DMD: variants seen among roughly 807,000 people sequenced by gnomAD.
DMD encodes the protein dystrophin.
In DMD, 63 loss-of-function variants were observed where a neutral mutation model predicts 330.1. The ratio of observed to expected loss-of-function variants is 0.19; its 90% CI spans 0.16 to 0.24. The LOEUF (loss-of-function observed/expected upper bound fraction) is 0.24, where lower values mean the gene tolerates loss of function less well. DMD is among the 10% of genes least tolerant of loss of function. DMD has a pLI of 1.00. For missense variants in DMD, 3,344 were observed against 2,684.1 expected (o/e 1.25, Z -5.43); for synonymous variants, 1,223 against 959.8 (o/e 1.27, Z -5.07).
intron 1 of DMD, among the ~76,000 whole-genome samples, chrX:33,131,202 T>C (rs1334769046): frequency 9.0e-6 from 1 of 111,104 alleles, no homozygotes; most frequent in African/African-American, 3.3e-5. Flanking sequence ...CGGCTGCTGC[T>C]GCTGCTGGTG....
chrX:32,472,101 T>G (rs1007538957), intron 22 of DMD, 63 bp downstream of exon 22: 1 of 1,145,909 alleles, frequency 8.7e-7, no homozygotes, highest in Non-Finnish European at 1.2e-6. Flanking sequence ...TATTTAAAGG[T>G]TATATCAATG....
intron 44 of DMD, among the ~76,000 whole-genome samples, chrX:32,192,638 C>T (rs1258809705): frequency 8.9e-6 from 1 of 111,853 alleles, no homozygotes; most frequent in Non-Finnish European, 1.9e-5. Context: ...TTACTTTTGT[C>T]GCCCAGTGGC....
intron 41 of DMD, among the ~76,000 whole-genome samples, chrX:32,340,633 T>C (rs2097736902): frequency 9.0e-6 from 1 of 111,727 alleles, no homozygotes; most frequent in South Asian, 3.7e-4. Context: ...AGAAATGAGT[T>C]AGTAGTCAGA....
At chrX:31,129,159 G>A (rs1452362086) in intron 77 of DMD, among the ~76,000 whole-genome samples, 1 of 111,033 alleles carries the variant, frequency 9.0e-6, no homozygotes, top group Non-Finnish European at 1.9e-5. Flanking sequence ...CTATAAAATT[G>A]ACATTATTGA....
chrX:32,669,817 C>A (rs1447993585), intron 9 of DMD, among the ~76,000 whole-genome samples: 1 of 111,029 alleles, frequency 9.0e-6, no homozygotes, highest in Non-Finnish European at 1.9e-5. Context: ...TGCCAATGCC[C>A]TTCTCTTGCC....
intron 42 of DMD, among the ~76,000 whole-genome samples, chrX:32,296,288 G>T (rs995710069): frequency 9.0e-6 from 1 of 111,114 alleles, no homozygotes; most frequent in African/African-American, 3.3e-5. Flanking sequence ...CTACTTGGGA[G>T]GCTAAGGTAG....
intron 44 of DMD, among the ~76,000 whole-genome samples, chrX:32,028,763 TGA>T (rs2095863892): frequency 9.0e-6 from 1 of 111,460 alleles, no homozygotes; most frequent in African/African-American, 3.3e-5. Flanking sequence ...GTCTTATTAA[TGA>T]GATCCCAATG....
chrX:32,256,740 T>C (rs919656949), intron 43 of DMD, among the ~76,000 whole-genome samples: 4 of 111,620 alleles, frequency 3.6e-5, no homozygotes, highest in Non-Finnish European at 7.5e-5. Context: ...TTTGCTTGTC[T>C]GTAAAGGATT....
intron 62 of DMD, among the ~76,000 whole-genome samples, chrX:31,311,770 C>T (rs1324231976): frequency 9.0e-6 from 1 of 111,251 alleles, no homozygotes; most frequent in Non-Finnish European, 1.9e-5. Flanking sequence ...ATTGATTCTT[C>T]CTATCCATGA....
chrX:31,338,943 C>CAAAA (rs151110457), intron 61 of DMD, among the ~76,000 whole-genome samples: 3 of 64,169 alleles, frequency 4.7e-5, no homozygotes, highest in Non-Finnish European at 5.8e-5. Context: ...CATCTATGCA[C>CAAAA]AAAAAAAAAA....
chrX:33,256,294 T>C (rs1034761485), intron 1 of DMD, among the ~76,000 whole-genome samples: 11 of 110,742 alleles, frequency 9.9e-5, no homozygotes, highest in African/African-American at 3.3e-4. Context: ...TGTCAAAACA[T>C]TGAGTAGTCA....
At chrX:32,113,384 C>T (rs1450573859) in intron 44 of DMD, among the ~76,000 whole-genome samples, 1 of 112,566 alleles carries the variant, frequency 8.9e-6, no homozygotes, top group Non-Finnish European at 1.9e-5. Flanking sequence ...TTGATAATTA[C>T]ACATGGTATG....
At chrX:32,593,491 G>A (rs1430385702) in intron 13 of DMD, among the ~76,000 whole-genome samples, 1 of 111,847 alleles carries the variant, frequency 8.9e-6, no homozygotes, top group Non-Finnish European at 1.9e-5. Context: ...TAGTGACCAT[G>A]GATGACAAGG....
intron 44 of DMD, among the ~76,000 whole-genome samples, chrX:32,006,430 A>G (rs915960846): frequency 8.9e-6 from 1 of 112,026 alleles, no homozygotes; most frequent in Admixed American, 9.5e-5. Context: ...AAGTCTAAAA[A>G]TAATAATAAA....
chrX:32,940,089 A>T (rs1313690403), intron 2 of DMD, among the ~76,000 whole-genome samples: 1 of 112,038 alleles, frequency 8.9e-6, no homozygotes, highest in Non-Finnish European at 1.9e-5. Flanking sequence ...AAAAGAACAA[A>T]GCCAGAGGCA....
intron 62 of DMD, chrX:31,266,967 G>A: frequency 1.9e-6 from 2 of 1,038,819 alleles, no homozygotes; most frequent in Admixed American, 5.9e-5. Flanking sequence ...AGGAGCCGGC[G>A]CGGGCGGGCC....
chrX:32,695,114 G>A (rs772082835), intron 9 of DMD, among the ~76,000 whole-genome samples: 32 of 112,339 alleles, frequency 2.8e-4, no homozygotes, highest in Middle Eastern at 9.2e-3. Context: ...AAACACAAGC[G>A]CTAAATAATC....
intron 48 of DMD, among the ~76,000 whole-genome samples, chrX:31,845,375 G>GTCTCCCTCTCTCTC (rs2093400499): frequency 3.3e-5 from 2 of 60,097 alleles, no homozygotes; most frequent in Non-Finnish European, 6.4e-5. Context: ...ACAGAATAAA[G>GTCTCCCTCTCTCTC]TCTCTCTCTC....
chrX:31,407,050 T>A (rs2061425514), intron 60 of DMD, among the ~76,000 whole-genome samples: 1 of 112,662 alleles, frequency 8.9e-6, no homozygotes, highest in Non-Finnish European at 1.9e-5. Context: ...CAGAAGTTCT[T>A]GAACTCTGCT....
Sources: gnomAD v4.1 joint callset for allele counts (sites outside exome capture counted in the v4.1 genomes callset) on GRCh38, gnomAD v4.1.1 for gene constraint, MANE v1.5 for transcripts, NCBI Gene and HGNC (gene_info 2026-07-23, HGNC 2026-07-21) for gene names.